The following TMCC1 variants were observed in gnomAD, a reference collection of about 807,000 sequenced individuals.
TMCC1 encodes the protein transmembrane and coiled-coil domain family 1.
TMCC1 carries 15 observed loss-of-function variants against 52.4 expected under a neutral mutation model. The ratio of observed to expected loss-of-function variants is 0.29; its 90% confidence interval spans 0.19 to 0.44. The LOEUF (loss-of-function observed/expected upper bound fraction) is 0.44. Ranked by LOEUF, TMCC1 falls within the 20% of genes least tolerant of loss-of-function variation. The pLI, the probability that TMCC1 is intolerant of heterozygous loss-of-function variation, is 1.00. For synonymous variants in TMCC1, 279 were observed against 301.9 expected (o/e 0.92, Z 0.79); for missense variants, 503 against 806.0 (o/e 0.62, Z 4.55).
intron 4 of TMCC1, among the ~76,000 whole-genome samples, chr3:129,705,755 C>T (rs904103666): frequency 6.6e-6 from 1 of 151,478 alleles, no homozygotes; most frequent in Non-Finnish European, 1.5e-5. Context: ...ACCACGCCCA[C>T]CTAATTTTTT....
At chr3:129,709,100 A>G (rs1294777672) in intron 4 of TMCC1, among the ~76,000 whole-genome samples, 1 of 152,164 alleles carries the variant, frequency 6.6e-6, no homozygotes, top group African/African-American at 2.4e-5. Flanking sequence ...ACCTTTGCAT[A>G]TCTAATTTTA....
intron 4 of TMCC1, among the ~76,000 whole-genome samples, chr3:129,814,549 A>T (rs1383399861): frequency 6.6e-6 from 1 of 152,156 alleles, no homozygotes; most frequent in African/African-American, 2.4e-5. Flanking sequence ...GCCCTTACTT[A>T]TCAAAAATAA....
intron 4 of TMCC1, among the ~76,000 whole-genome samples, chr3:129,701,941 T>C (rs1383794232): frequency 6.6e-6 from 1 of 152,156 alleles, no homozygotes; most frequent in Non-Finnish European, 1.5e-5. Context: ...TAAAATAAAA[T>C]GATTCACCTG....
chr3:129,862,972 A>G (rs760689690), intron 2 of TMCC1, among the ~76,000 whole-genome samples: 20 of 152,192 alleles, frequency 1.3e-4, no homozygotes, highest in Non-Finnish European at 2.2e-4. Context: ...TATAGCTAAG[A>G]TGTTATTATC....
At chr3:129,703,503 C>T (rs538804460) in intron 4 of TMCC1, among the ~76,000 whole-genome samples, 1 of 152,170 alleles carries the variant, frequency 6.6e-6, no homozygotes, top group East Asian at 1.9e-4. Context: ...AGACTTGAGT[C>T]ATTGCTCTGC....
chr3:129,818,985 A>G (rs2058271583), intron 4 of TMCC1: 1 of 153,060 alleles, frequency 6.5e-6, no homozygotes, highest in South Asian at 2.1e-4. Context: ...CCAGTTACAG[A>G]TTTCTTTGTT....
intron 4 of TMCC1, among the ~76,000 whole-genome samples, chr3:129,761,114 G>A (rs920898996): frequency 2.7e-5 from 4 of 149,116 alleles, no homozygotes; most frequent in African/African-American, 4.9e-5. Flanking sequence ...TCACGAGGTC[G>A]GGGGATCGAG....
intron 4 of TMCC1, among the ~76,000 whole-genome samples, chr3:129,779,010 CTTT>C (rs1176170316): frequency 6.6e-6 from 1 of 151,740 alleles, no homozygotes; most frequent in East Asian, 1.9e-4. Context: ...TTTTGTGGAT[CTTT>C]TTTTCTTCCC....
At chr3:129,800,482 C>T (rs1248736475) in intron 4 of TMCC1, among the ~76,000 whole-genome samples, 1 of 151,902 alleles carries the variant, frequency 6.6e-6, no homozygotes, top group Non-Finnish European at 1.5e-5. Flanking sequence ...TCCTTGCCAA[C>T]TCTTGATTTT....
chr3:129,766,658 T>C (rs1249328236), intron 4 of TMCC1, among the ~76,000 whole-genome samples: 1 of 152,070 alleles, frequency 6.6e-6, no homozygotes, highest in Non-Finnish European at 1.5e-5. Context: ...CCTCACTCTA[T>C]CGCCCAGGCT....
intron 2 of TMCC1, among the ~76,000 whole-genome samples, chr3:129,867,548 T>C (rs2060710314): frequency 1.3e-5 from 2 of 152,206 alleles, no homozygotes; most frequent in Non-Finnish European, 2.9e-5. Context: ...GCTAATTCAG[T>C]GATAGGTTTA....
intron 1 of TMCC1, among the ~76,000 whole-genome samples, chr3:129,881,312 AAAG>A (rs1443516515): frequency 1.3e-5 from 2 of 152,230 alleles, no homozygotes. Context: ...TGATAATAGT[AAAG>A]AAAATATTAA....
chr3:129,661,630 T>C (rs1430467712), intron 5 of TMCC1, among the ~76,000 whole-genome samples: 8 of 151,884 alleles, frequency 5.3e-5, no homozygotes, highest in Non-Finnish European at 1.0e-4. Flanking sequence ...TGAAACCCTG[T>C]CTCTACTAAA....
At chr3:129,770,384 T>G (rs1342483576) in intron 4 of TMCC1, among the ~76,000 whole-genome samples, 1 of 152,016 alleles carries the variant, frequency 6.6e-6, no homozygotes, top group Non-Finnish European at 1.5e-5. Flanking sequence ...GGCATGGTGT[T>G]GCACACCTGT....
At chr3:129,795,762 C>T (rs2056783119) in intron 4 of TMCC1, among the ~76,000 whole-genome samples, 1 of 152,224 alleles carries the variant, frequency 6.6e-6, no homozygotes, top group South Asian at 2.1e-4. Context: ...GATAAAACCT[C>T]ATGCCATCCT....
At chr3:129,723,349 GA>G (rs1391542735) in intron 4 of TMCC1, among the ~76,000 whole-genome samples, 1 of 136,958 alleles carries the variant, frequency 7.3e-6, no homozygotes, top group Non-Finnish European at 1.5e-5. Context: ...TGAGCACTAA[GA>G]AATCTTTTTC....
chr3:129,759,710 CTTTTTTTTTTTTTTTTTT>C (rs61519484), intron 4 of TMCC1, among the ~76,000 whole-genome samples: 3 of 37,194 alleles, frequency 8.1e-5, no homozygotes, highest in African/African-American at 2.2e-4. Flanking sequence ...GCCAGCCAAA[CTTTTTTTTTTTTTTTTTT>C]TTTTTTTTTT....
chr3:129,719,773 AT>A (rs2107589940), intron 4 of TMCC1, among the ~76,000 whole-genome samples: 1 of 152,192 alleles, frequency 6.6e-6, no homozygotes, highest in African/African-American at 2.4e-5. Flanking sequence ...TTACACTCAA[AT>A]GGCCTTCAAA....
chr3:129,798,277 G>C (rs1430177631), intron 4 of TMCC1, among the ~76,000 whole-genome samples: 1 of 152,008 alleles, frequency 6.6e-6, no homozygotes, highest in Non-Finnish European at 1.5e-5. Context: ...TCACAGGCAT[G>C]AGCCACCATG....
Sources: allele counts gnomAD v4.1 joint callset (sites outside exome capture counted in the v4.1 genomes callset), GRCh38; gene constraint gnomAD v4.1.1; transcripts MANE v1.5; gene names NCBI Gene and HGNC (gene_info 2026-07-23, HGNC 2026-07-21).